The following COX7B2 variants were observed in gnomAD, a reference collection of about 807,000 sequenced individuals.
COX7B2 encodes cytochrome c oxidase subunit 7B2, mitochondrial.
For synonymous variants in COX7B2, 37 were observed against 32.1 expected (o/e 1.15, Z -0.51); for missense variants, 109 against 95.9 (o/e 1.14, Z -0.57).
At chr4:46,777,347 G>T (rs1176717706) in intron 2 of COX7B2, among the ~76,000 whole-genome samples, 1 of 152,082 alleles carries the variant, frequency 6.6e-6, no homozygotes, top group Non-Finnish European at 1.5e-5. Context: ...AGATAAGTGA[G>T]CCAGTAGCTA....
chr4:46,890,568 G>A (rs1476125646), intron 1 of COX7B2, among the ~76,000 whole-genome samples: 2 of 152,168 alleles, frequency 1.3e-5, no homozygotes, highest in African/African-American at 2.4e-5. Flanking sequence ...AAGAAAAATT[G>A]AGAAAGGATG....
chr4:46,773,406 G>A (rs10006790), intron 2 of COX7B2, among the ~76,000 whole-genome samples: 21,072 of 152,050 alleles, frequency 0.14, 1,697 homozygotes, highest in South Asian at 0.35. Context: ...TGAAGAAGAC[G>A]TGTTTGCTTC....
intron 2 of COX7B2, among the ~76,000 whole-genome samples, chr4:46,798,358 G>C (rs1358147502): frequency 6.6e-6 from 1 of 152,152 alleles, no homozygotes; most frequent in Non-Finnish European, 1.5e-5. Context: ...CATTTACCTA[G>C]TGACCCAAAA....
intron 2 of COX7B2, among the ~76,000 whole-genome samples, chr4:46,790,253 C>T (rs762367070): frequency 2.0e-5 from 3 of 152,090 alleles, no homozygotes; most frequent in African/African-American, 7.2e-5. Flanking sequence ...AAATTCTAAC[C>T]TAAGGTTGGT....
intron 1 of COX7B2, among the ~76,000 whole-genome samples, chr4:46,867,915 C>T (rs2109816082): frequency 6.6e-6 from 1 of 152,152 alleles, no homozygotes; most frequent in East Asian, 1.9e-4. Flanking sequence ...GGAGTCCCTC[C>T]TCCTCAGTTT....
Position 46,862,397 on chromosome 4 carries a change from G to A in COX7B2, c.-104-17383C>T, listed in dbSNP as rs192126924. On this transcript the variant is annotated intron_variant, in intron 1 of 2. Coordinates refer to ENST00000355591, the MANE Select transcript of COX7B2 (RefSeq NM_130902.3). ...TAGAATTCTGAGGTAAAAGCAAATG[G>A]GTAAGTGTTCCGTCTTTCTGTGTGT... Among the ~76,000 whole-genome samples, 178 of 152,164 alleles carry A rather than the reference G, an allele frequency of 1.2e-3. 1 individual carries two copies. The highest frequency in any genetic ancestry group is 2.0e-3 in the Non-Finnish European group (134 of 67,980).
intron 2 of COX7B2, among the ~76,000 whole-genome samples, chr4:46,780,568 A>G (rs1434860938): frequency 6.6e-6 from 1 of 152,222 alleles, no homozygotes; most frequent in Non-Finnish European, 1.5e-5. Flanking sequence ...CCCTAACTAG[A>G]GGACAGATAG....
chr4:46,791,260 T>C (rs1169024798), intron 2 of COX7B2, among the ~76,000 whole-genome samples: 1 of 151,978 alleles, frequency 6.6e-6, no homozygotes, highest in African/African-American at 2.4e-5. Context: ...CCTCCCGCCT[T>C]GGCCTCCCAA....
chr4:46,907,403 C>T (rs1281416256), intron 1 of COX7B2, among the ~76,000 whole-genome samples: 1 of 152,138 alleles, frequency 6.6e-6, no homozygotes, highest in Non-Finnish European at 1.5e-5. Flanking sequence ...TTAAACTACG[C>T]TAGCACCTAA....
chr4:46,891,787 T>C (rs981739024), intron 1 of COX7B2, among the ~76,000 whole-genome samples: 8 of 152,174 alleles, frequency 5.3e-5, no homozygotes, highest in Non-Finnish European at 1.2e-4. Flanking sequence ...CACAGATGTT[T>C]CAGGGCAATA....
chr4:46,881,535 G>T (rs982923635), intron 1 of COX7B2, among the ~76,000 whole-genome samples: 1 of 152,212 alleles, frequency 6.6e-6, no homozygotes, highest in South Asian at 2.1e-4. Flanking sequence ...GGCCGACGTG[G>T]GTGGATCACT....
intron 1 of COX7B2, among the ~76,000 whole-genome samples, chr4:46,872,511 G>A (rs1260875916): frequency 6.6e-6 from 1 of 152,084 alleles, no homozygotes; most frequent in Non-Finnish European, 1.5e-5. Context: ...ACTGGCTCTT[G>A]AATTCTTTCC....
chr4:46,900,273 C>G (rs1039358444), intron 1 of COX7B2, among the ~76,000 whole-genome samples: 1 of 152,172 alleles, frequency 6.6e-6, no homozygotes, highest in Non-Finnish European at 1.5e-5. Context: ...TGTGGCTCCT[C>G]TGGAGATTTT....
intron 2 of COX7B2, among the ~76,000 whole-genome samples, chr4:46,753,796 A>C (rs1398354188): frequency 6.6e-6 from 1 of 152,004 alleles, no homozygotes; most frequent in Non-Finnish European, 1.5e-5. Flanking sequence ...ATGGGAGAAA[A>C]TTTTTGCAAT....
intron 1 of COX7B2, among the ~76,000 whole-genome samples, chr4:46,870,031 T>C (rs1717889006): frequency 6.6e-6 from 1 of 152,178 alleles, no homozygotes; most frequent in Non-Finnish European, 1.5e-5. Context: ...AGATTTGGCC[T>C]CTTTACATAA....
At chr4:46,757,338 T>C (rs1715862490) in intron 2 of COX7B2, among the ~76,000 whole-genome samples, 1 of 152,012 alleles carries the variant, frequency 6.6e-6, no homozygotes, top group African/African-American at 2.4e-5. Context: ...GGGTTATGGC[T>C]GAAAAACTAC....
intron 2 of COX7B2, among the ~76,000 whole-genome samples, chr4:46,823,596 G>T (rs186942656): frequency 2.0e-5 from 3 of 151,150 alleles, no homozygotes; most frequent in Admixed American, 1.3e-4. Flanking sequence ...AAAAATTGTG[G>T]AATTCAGCTA....
chr4:46,839,416 C>T (rs1031403729), intron 2 of COX7B2, among the ~76,000 whole-genome samples: 2 of 151,982 alleles, frequency 1.3e-5, no homozygotes, highest in African/African-American at 4.8e-5. Context: ...TTGCTTTTCA[C>T]CAATTTGGCT....
chr4:46,892,522 T>C (rs1052766756), intron 1 of COX7B2, among the ~76,000 whole-genome samples: 7 of 152,184 alleles, frequency 4.6e-5, no homozygotes, highest in African/African-American at 9.7e-5. Context: ...TCAGCTTATA[T>C]GGAAGATAGA....
Sources: gnomAD v4.1 joint callset for allele counts (sites outside exome capture counted in the v4.1 genomes callset) on GRCh38, gnomAD v4.1.1 for gene constraint, MANE v1.5 for transcripts, NCBI Gene and HGNC (gene_info 2026-07-23, HGNC 2026-07-21) for gene names.